ZSCAN20: variants seen among roughly 807,000 people sequenced by gnomAD.
ZSCAN20 encodes the protein zinc finger and SCAN domain containing 20.
Under a neutral mutation model 97.1 loss-of-function variants are expected in ZSCAN20, and 39 were observed. That is an observed-to-expected ratio of 0.40 (90% CI 0.31 to 0.52). The LOEUF is 0.52. Among genes scored for constraint, ZSCAN20 ranks in the 20% least tolerant of loss-of-function variants. ZSCAN20 has a pLI of 0.49. For synonymous variants in ZSCAN20, 456 were observed against 467.3 expected, an observed-to-expected ratio of 0.98 and a Z score of 0.31; for missense variants, 1,115 against 1,290.4, an observed-to-expected ratio of 0.86 and a Z score of 2.08.
In ZSCAN20 at chr1:33,500,956, AAC is replaced by A. The variant is rs1653048305; in HGVS notation, c.*5485_*5486del. Reference sequence around the variant, plus strand: ...AAAGGAGTCTTCTCCTTCCACATAGAACACACTTGGCTTCAGTGCTTTGGGGG... The same window carrying A: ...AAAGGAGTCTTCTCCTTCCACATAGAACACTTGGCTTCAGTGCTTTGGGGG... On this transcript the variant is annotated 3_prime_UTR_variant, in exon 8 of 8. Transcript: ENST00000684572. 6.6e-6 allele frequency among the ~76,000 whole-genome samples: 1 copy of A among 152,132 alleles called. No homozygotes were observed. The highest frequency in any genetic ancestry group is 1.5e-5 in the Non-Finnish European group (1 of 68,030).
rs374517184 is a variant in ZSCAN20, at chr1:33,493,508, G to C, written c.1766G>C (p.Arg589Thr). Residue 589 changes from arginine to threonine, a missense_variant, in exon 7 of 8, where the codon AGG becomes ACG. Coordinates refer to ENST00000684572, the MANE Select transcript of ZSCAN20 (RefSeq NM_001377376.1). This position sits in a 1 kb window ranked among gnomAD's most constrained non-coding sequence, Gnocchi z 4.3. Reference protein sequence around the residue: ...GTVREAAGLPRCGQSSAETDA... With the variant: ...GTVREAAGLPTCGQSSAETDA... ...GTCCGAGAGGCTGCAGGTCTCCCTA[G>C]GTGTGGGCAGAGTAGTGCTGAGACT... 146 of 1,614,042 alleles carry C rather than the reference G, an allele frequency of 9.0e-5. No individual in the cohort carries two copies. The highest frequency in any genetic ancestry group is 1.2e-4 in the Non-Finnish European group (144 of 1,180,024).
chr1:33,479,800 A>T, intron 2 of ZSCAN20, 95 bp downstream of exon 2: 1 of 1,297,650 alleles, frequency 7.7e-7, no homozygotes, highest in African/African-American at 1.5e-5. Flanking sequence ...AATAAAAATA[A>T]CAATAGTTAT....
Position 33,495,538 on chromosome 1 carries a change from T to C in ZSCAN20, c.*62T>C, listed in dbSNP as rs1024840866. ...TATATATCTTATATCATAAGATGTA[T>C]GCTAGAGATAAACTTTCCAATTTTT... is the stretch of plus-strand genomic sequence containing the variant. On this transcript the variant is annotated 3_prime_UTR_variant, in exon 8 of 8. Coordinates refer to ENST00000684572, the MANE Select transcript of ZSCAN20 (RefSeq NM_001377376.1). 2.7e-5 allele frequency: 37 copies of C among 1,366,470 alleles called. No homozygotes were observed. Among genetic ancestry groups the C allele is most frequent in the Admixed American group, 2.0e-4 (7 of 35,626 alleles). The allele number at this position is 1,366,470 out of a possible 1,614,324, so 84.6% of individuals were successfully genotyped here.
chr1:33,473,949 T>A (rs1651826612), intron 1 of ZSCAN20, among the ~76,000 whole-genome samples: 1 of 152,254 alleles, frequency 6.6e-6, no homozygotes, highest in Admixed American at 6.5e-5. Flanking sequence ...GGGTAAGCTT[T>A]GCTATACCAG....
chr1:33,484,361 C>T (rs1652272544), intron 2 of ZSCAN20, among the ~76,000 whole-genome samples: 1 of 152,024 alleles, frequency 6.6e-6, no homozygotes, highest in Non-Finnish European at 1.5e-5. Flanking sequence ...GAGGAAGTTC[C>T]CCTCTATTCC....
At position 33,497,359 on chromosome 1, in the gene ZSCAN20, A is replaced by G. The variant is rs1199283787; in HGVS notation, c.*1883A>G. On this transcript the variant is annotated 3_prime_UTR_variant, in exon 8 of 8. Transcript: ENST00000684572. ...AGCAGATGTCAGTAACTGCAGTAAT[A>G]CAGTGATATTGTCTAGTAATGTGAG... 6.6e-6 allele frequency among the ~76,000 whole-genome samples: 1 copy of G among 152,172 alleles called. No individual in the cohort carries two copies. The highest frequency in any genetic ancestry group is 2.4e-5 in the African/African-American group (1 of 41,448).
At chr1:33,478,765 G>GGACT (rs758002512) in intron 1 of ZSCAN20, among the ~76,000 whole-genome samples, 1 of 152,062 alleles carries the variant, frequency 6.6e-6, no homozygotes, top group Non-Finnish European at 1.5e-5. Context: ...AGGGAAGGTT[G>GGACT]GACTTTGGAC....
chr1:33,481,072 C>T (rs930019540), intron 2 of ZSCAN20, among the ~76,000 whole-genome samples: 8 of 152,074 alleles, frequency 5.3e-5, no homozygotes, highest in Admixed American at 1.3e-4. Context: ...GGTTTTAGAC[C>T]GGTGACTTTG....
rs373700471 is a variant in ZSCAN20 at position 33,491,560 on chromosome 1, C to T, written c.1302C>T (p.Asp434=). ...CACTTCCCAGGCTCGGGTATAGTGA[C>T]GCAGAGATGGATGAGCAGGAGGAAG... is the stretch of plus-strand genomic sequence containing the variant. ...AVALPRLGYS[D]AEMDEQEEGG... The change falls in exon 6 of 8, where the codon GAC becomes GAT. Residue 434 remains aspartate (D), a synonymous_variant. Transcript: ENST00000684572. This position sits in a 1 kb window ranked among gnomAD's most constrained non-coding sequence, Gnocchi z 4.3. 79 of 1,614,056 alleles carry T rather than the reference C, an allele frequency of 4.9e-5. No homozygotes were observed. Among genetic ancestry groups the T allele is most frequent in the African/African-American group, 3.3e-4 (25 of 75,002 alleles).
In ZSCAN20 at chr1:33,496,202, ATCTG is replaced by A. The variant is rs1192613487; in HGVS notation, c.*734_*737del. Reference sequence around the variant, plus strand: ...AAGTGGGAGAGGCAGGATTCAACAGATCTGTCTGTCTTGAGTCTATCGTGCTCTT... The same window carrying A: ...AAGTGGGAGAGGCAGGATTCAACAGATCTGTCTTGAGTCTATCGTGCTCTT... On this transcript the variant is annotated 3_prime_UTR_variant, in exon 8 of 8. Coordinates refer to ENST00000684572, the MANE Select transcript of ZSCAN20 (RefSeq NM_001377376.1). 1 of 152,210 alleles carries A rather than the reference ATCTG, an allele frequency of 6.6e-6. No individual in the cohort carries two copies. Among genetic ancestry groups the A allele is most frequent in the Non-Finnish European group, 1.5e-5 (1 of 68,046 alleles). The allele number at this position is 152,210 out of a possible 1,614,324, so 9.4% of individuals were successfully genotyped here.
chr1:33,490,993 T>C (rs1238697593), intron 5 of ZSCAN20, 32 bp from the exon 6 acceptor site: 1 of 1,558,420 alleles, frequency 6.4e-7, no homozygotes. Context: ...CAACAGACCA[T>C]TTCTACTCTG....
In ZSCAN20 at chr1:33,494,638, C is replaced by T. The variant is rs1210409837; in HGVS notation, c.2294C>T (p.Pro765Leu). The change falls in exon 8 of 8, where the codon CCC (proline) becomes CTC (leucine). Residue 765 changes from proline to leucine, a missense_variant. By Grantham distance (98) the Pro-to-Leu change is moderately conservative. This residue lies in a region of ZSCAN20 where 554 missense variants were observed against 584.9 expected (regional missense o/e 0.95). Transcript: ENST00000684572. Reference protein sequence around the residue: ...THQRIHTGEKPYKCLECGKSF... With the variant: ...THQRIHTGEKLYKCLECGKSF... ...CAGAGAATCCACACTGGAGAGAAGC[C>T]CTATAAATGCCTTGAATGTGGGAAA... 6.2e-7 allele frequency: 1 copy of T among 1,614,128 alleles called. No individual in the cohort carries two copies. The highest frequency in any genetic ancestry group is 8.5e-7 in the Non-Finnish European group (1 of 1,180,038).
chr1:33,483,676 G>GA (rs57834372), intron 2 of ZSCAN20, among the ~76,000 whole-genome samples: 107,847 of 140,966 alleles, frequency 0.77, 41,021 homozygotes, highest in African/African-American at 0.83. Flanking sequence ...CATTGCTATT[G>GA]AAAAAAAAAA....
At chr1:33,485,331 A>G (rs1652318394) in intron 2 of ZSCAN20, among the ~76,000 whole-genome samples, 1 of 152,148 alleles carries the variant, frequency 6.6e-6, no homozygotes. Flanking sequence ...ATATTCCTTT[A>G]TTATACTTTC....
chr1:33,473,800 C>A (rs1011505738), intron 1 of ZSCAN20, among the ~76,000 whole-genome samples: 7 of 152,188 alleles, frequency 4.6e-5, no homozygotes, highest in Non-Finnish European at 8.8e-5. Flanking sequence ...TGTGTCTCTT[C>A]CATTAGACTG....
chr1:33,488,750 A>T, intron 3 of ZSCAN20, 99 bp downstream of exon 3: 1 of 1,339,320 alleles, frequency 7.5e-7, no homozygotes, highest in South Asian at 1.3e-5. Context: ...TGCAGAATTC[A>T]AAGCAAGGGA....
intron 2 of ZSCAN20, among the ~76,000 whole-genome samples, chr1:33,480,882 C>A (rs1387399978): frequency 1.3e-5 from 2 of 152,196 alleles, no homozygotes; most frequent in East Asian, 1.9e-4. Context: ...GGATCCAGAA[C>A]CTTCCTCTAA....
At position 33,495,533 on chromosome 1, in the gene ZSCAN20, A is replaced by T. The variant is rs935337453; in HGVS notation, c.*57A>T. ...CAATGTATATATCTTATATCATAAGATGTATGCTAGAGATAAACTTTCCAA... is the reference window on the plus strand; with the variant it reads ...CAATGTATATATCTTATATCATAAGTTGTATGCTAGAGATAAACTTTCCAA... On this transcript the variant is annotated 3_prime_UTR_variant, in exon 8 of 8. Transcript: ENST00000684572. 2 of 1,399,174 alleles carry T rather than the reference A, an allele frequency of 1.4e-6. No individual in the cohort carries two copies. Among genetic ancestry groups the T allele is most frequent in the African/African-American group, 2.8e-5 (2 of 70,388 alleles). The allele number at this position is 1,399,174 out of a possible 1,614,324, so 86.7% of individuals were successfully genotyped here. A position where few individuals can be genotyped will look rare whatever the true frequency, so the allele number is the denominator to read the frequency against.
At position 33,491,559 on chromosome 1, in the gene ZSCAN20, A is replaced by G. The variant is rs770561733; in HGVS notation, c.1301A>G (p.Asp434Gly). The G allele has an allele frequency of 1.2e-6, 2 of 1,614,016 alleles. No homozygotes were observed. The highest frequency in any genetic ancestry group is 1.3e-5 in the African/African-American group (1 of 74,922). ...AVALPRLGYS[D>G]AEMDEQEEGG... Reference sequence around the variant, plus strand: ...GCACTTCCCAGGCTCGGGTATAGTGACGCAGAGATGGATGAGCAGGAGGAA... The same window carrying G: ...GCACTTCCCAGGCTCGGGTATAGTGGCGCAGAGATGGATGAGCAGGAGGAA... Residue 434 changes from aspartate (D) to glycine (G), a missense_variant, in exon 6 of 8, where the codon GAC (aspartate) becomes GGC (glycine). Asp to Gly is a moderately conservative substitution (Grantham distance 94, BLOSUM62 -1). Around this residue, in one of 3 missense-constraint regions of ZSCAN20, gnomAD observed 508 missense variants for 611.2 expected, o/e 0.83. Transcript: ENST00000684572. The surrounding 1 kb of genome is among the most constrained non-coding windows in gnomAD (Gnocchi z 4.3).
Sources: allele counts gnomAD v4.1 joint callset (sites outside exome capture counted in the v4.1 genomes callset), GRCh38; gene constraint gnomAD v4.1.1; regional missense constraint gnomAD v4.1.1; non-coding constraint Gnocchi (gnomAD v3.1); transcripts MANE v1.5; gene names NCBI Gene and HGNC (gene_info 2026-07-23, HGNC 2026-07-21).